PHF2: variants seen among roughly 807,000 people sequenced by gnomAD.
The protein encoded by PHF2 is PHD finger protein 2.
Under a neutral mutation model 120.5 loss-of-function variants are expected in PHF2, and 27 were observed. The ratio of observed to expected loss-of-function variants is 0.22; its 90% confidence interval spans 0.17 to 0.31. The LOEUF (loss-of-function observed/expected upper bound fraction) is 0.31. PHF2 is among the 10% of genes least tolerant of loss of function. The pLI is 1.00. For synonymous variants in PHF2, 568 were observed against 592.5 expected (o/e 0.96, Z 0.60); for missense variants, 1,024 against 1,434.8 (o/e 0.71, Z 4.63).
At chr9:93,593,655 T>C (rs1825275876) in intron 1 of PHF2, among the ~76,000 whole-genome samples, 1 of 152,208 alleles carries the variant, frequency 6.6e-6, no homozygotes, top group African/African-American at 2.4e-5. Context: ...TCTACACTGT[T>C]GAATGATGAA....
chr9:93,625,646 T>G (rs1028210426), intron 1 of PHF2, among the ~76,000 whole-genome samples: 1 of 152,016 alleles, frequency 6.6e-6, no homozygotes, highest in African/African-American at 2.4e-5. Flanking sequence ...CCCAGCTAAT[T>G]TTTGTATTTT....
At chr9:93,649,972 C>T (rs752973584) in intron 5 of PHF2, among the ~76,000 whole-genome samples, 4 of 151,808 alleles carry the variant, frequency 2.6e-5, no homozygotes, top group Non-Finnish European at 4.4e-5. Context: ...ACACACATGA[C>T]ACACACTCAG....
chr9:93,609,792 G>A (rs573081356), intron 1 of PHF2, among the ~76,000 whole-genome samples: 2 of 152,070 alleles, frequency 1.3e-5, no homozygotes, highest in Middle Eastern at 3.4e-3. Context: ...AACCTCCTGG[G>A]TTGAGGCAAT....
At chr9:93,599,748 C>G (rs1167402907) in intron 1 of PHF2, among the ~76,000 whole-genome samples, 1 of 152,210 alleles carries the variant, frequency 6.6e-6, no homozygotes, top group Non-Finnish European at 1.5e-5. Flanking sequence ...CTGCTTGCAG[C>G]AAGGGGGATT....
rs1023180230 is a variant in PHF2, at chr9:93,656,453, T to C, written c.1041-36T>C. 7.0e-7 allele frequency: 1 copy of C among 1,435,168 alleles called. No homozygotes were observed. Among genetic ancestry groups the C allele is most frequent in the Non-Finnish European group, 9.8e-7 (1 of 1,018,456 alleles). 88.9% of individuals were successfully genotyped at this position (1,435,168 alleles called of 1,614,324 possible). A position where few individuals can be genotyped will look rare whatever the true frequency, so the allele number is the denominator to read the frequency against. On this transcript the variant is annotated intron_variant, in intron 8 of 21. Coordinates refer to ENST00000359246, the MANE Select transcript of PHF2 (RefSeq NM_005392.4). The surrounding 1 kb of genome is among the most constrained non-coding windows in gnomAD (Gnocchi z 4.1). ...ATGCCCAGCGTCGCCTGCTTGATGG[T>C]CAGTGCACTGAGAACTGCTCTTTGG...
chr9:93,603,858 G>A (rs1366683870), intron 1 of PHF2, among the ~76,000 whole-genome samples: 1 of 152,158 alleles, frequency 6.6e-6, no homozygotes, highest in East Asian at 1.9e-4. Context: ...AGGGTTCTGT[G>A]TGCCCTGATA....
Position 93,576,632 on chromosome 9 carries a change from C to T in PHF2, c.-142C>T, listed in dbSNP as rs1862817036. The T allele has an allele frequency of 6.7e-6, 1 of 148,290 alleles. No individual in the cohort carries two copies. The highest frequency in any genetic ancestry group is 6.8e-5 in the Admixed American group (1 of 14,632). 9.2% of individuals were successfully genotyped at this position (148,290 alleles called of 1,614,324 possible). On this transcript the variant is annotated 5_prime_UTR_variant, in exon 1 of 22. Coordinates refer to ENST00000359246, the MANE Select transcript of PHF2 (RefSeq NM_005392.4). The stretch of plus-strand genomic sequence containing the variant: ...GAGCGCGCGCGGGGGCTGTCGTGCG[C>T]CCCCGTCCCCGTCCCCTCCCGGCCG...
intron 1 of PHF2, among the ~76,000 whole-genome samples, chr9:93,626,929 T>G (rs1825923465): frequency 6.6e-6 from 1 of 152,264 alleles, no homozygotes; most frequent in Non-Finnish European, 1.5e-5. Context: ...TTCTATTCCA[T>G]TGATCTATAT....
At chr9:93,615,301 G>A (rs186768809) in intron 1 of PHF2, among the ~76,000 whole-genome samples, 10 of 149,216 alleles carry the variant, frequency 6.7e-5, no homozygotes, top group Non-Finnish European at 1.3e-4. Context: ...TGATGGTGAT[G>A]ATGTGTGATA....
At chr9:93,638,339 A>G (rs887652274) in intron 3 of PHF2, among the ~76,000 whole-genome samples, 5 of 152,232 alleles carry the variant, frequency 3.3e-5, no homozygotes, top group African/African-American at 1.2e-4. Context: ...CATATCTGAG[A>G]ATCCATTGCC....
intron 1 of PHF2, among the ~76,000 whole-genome samples, chr9:93,629,423 C>T (rs1189127851): frequency 6.6e-6 from 1 of 152,166 alleles, no homozygotes; most frequent in Non-Finnish European, 1.5e-5. Flanking sequence ...TCTGGAGGAA[C>T]TCCAGGGAGG....
intron 17 of PHF2, among the ~76,000 whole-genome samples, chr9:93,670,844 G>T (rs1826768466): frequency 6.6e-6 from 1 of 152,180 alleles, no homozygotes. Context: ...GGATGCGGAT[G>T]CGAGACAGGC....
At position 93,664,317 on chromosome 9, in the gene PHF2, C is replaced by T. The variant is rs1020495747; in HGVS notation, c.1937+682C>T. ...TGGTGTGGGCATGCTGGATGAGCCT[C>T]GGGGTGAGGCAAGGGGTGCGGAGGG... On this transcript the variant is annotated intron_variant, in intron 14 of 21. Transcript: ENST00000359246. Among the ~76,000 whole-genome samples, 6 of 152,108 alleles carry T rather than the reference C, an allele frequency of 3.9e-5. 1 individual carries two copies. Among genetic ancestry groups the T allele is most frequent in the Middle Eastern group, 6.3e-3 (2 of 316 alleles).
At chr9:93,675,242 C>T (rs572951548) in intron 19 of PHF2, among the ~76,000 whole-genome samples, 1 of 152,206 alleles carries the variant, frequency 6.6e-6, no homozygotes, top group Non-Finnish European at 1.5e-5. Context: ...CCCAGATGTG[C>T]TTCTACACAG....
At chr9:93,636,328 T>A (rs1826089303) in intron 2 of PHF2, 83 bp from the exon 3 acceptor site, 1 of 1,034,778 alleles carries the variant, frequency 9.7e-7, no homozygotes, top group Non-Finnish European at 1.4e-6. Context: ...GTAGGCTGGG[T>A]GGGCCAAGGT....
intron 2 of PHF2, among the ~76,000 whole-genome samples, chr9:93,633,974 C>T (rs1826050795): frequency 6.6e-6 from 1 of 152,136 alleles, no homozygotes; most frequent in Non-Finnish European, 1.5e-5. Flanking sequence ...GCCTCACGCT[C>T]CTGCCTGAGC....
intron 1 of PHF2, among the ~76,000 whole-genome samples, chr9:93,626,045 C>A (rs1825909635): frequency 6.6e-6 from 1 of 152,038 alleles, no homozygotes; most frequent in African/African-American, 2.4e-5. Flanking sequence ...GAGTTTGAGA[C>A]CAGCCTGACC....
chr9:93,593,781 T>TA (rs1246234063), intron 1 of PHF2, among the ~76,000 whole-genome samples: 2 of 152,362 alleles, frequency 1.3e-5, no homozygotes, highest in East Asian at 3.9e-4. Context: ...ATGATGATAT[T>TA]AAATGAAACA....
chr9:93,665,815 C>A lies in PHF2; in HGVS notation c.2067C>A (p.Asp689Glu). Residue 689 changes from aspartate to glutamate, a missense_variant, in exon 15 of 22, where the codon GAC (aspartate) becomes GAA (glutamate). Coordinates refer to ENST00000359246, the MANE Select transcript of PHF2 (RefSeq NM_005392.4). ...YVSDDGELKI[D>E]EFPIRRKKNA... ...CGGATGACGGTGAGCTCAAGATCGA[C>A]GAGTTTCCCATCAGGAGGAAGAAAA... The A allele has an allele frequency of 6.2e-7, 1 of 1,613,498 alleles. No individual in the cohort carries two copies. The highest frequency in any genetic ancestry group is 8.5e-7 in the Non-Finnish European group (1 of 1,179,878).
Sources: allele counts gnomAD v4.1 joint callset (sites outside exome capture counted in the v4.1 genomes callset), GRCh38; gene constraint gnomAD v4.1.1; non-coding constraint Gnocchi (gnomAD v3.1); transcripts MANE v1.5; gene names NCBI Gene and HGNC (gene_info 2026-07-23, HGNC 2026-07-21).